Variants in DCAF5 observed in about 807,000 individuals in gnomAD.
DCAF5 encodes DDB1 and CUL4 associated factor 5, also known as DDB1- and CUL4-associated factor 5.
In DCAF5, 9 loss-of-function variants were observed where a neutral mutation model predicts 80.7. The observed-to-expected ratio is 0.11, with a 90% CI of 0.07 to 0.19. The LOEUF (loss-of-function observed/expected upper bound fraction) is 0.19. Among genes scored for constraint, DCAF5 ranks in the 10% least tolerant of loss-of-function variants. The probability of loss-of-function intolerance (pLI) is 1.00; values close to 1 mark genes in which losing one functional copy is unlikely to be tolerated. For missense variants in DCAF5, 842 were observed against 1,205.7 expected, an observed-to-expected ratio of 0.70 and a Z score of 4.47; for synonymous variants, 433 against 461.9, an observed-to-expected ratio of 0.94 and a Z score of 0.80.
At chr14:69,131,912 C>T (rs939414309) in intron 1 of DCAF5, among the ~76,000 whole-genome samples, 3 of 152,134 alleles carry the variant, frequency 2.0e-5, no homozygotes, top group African/African-American at 7.2e-5. Flanking sequence ...TCCCCCTAGA[C>T]ACCATTCACT....
At chr14:69,108,399 G>A (rs373490493) in intron 5 of DCAF5, among the ~76,000 whole-genome samples, 114 of 152,142 alleles carry the variant, frequency 7.5e-4, no homozygotes, top group Non-Finnish European at 1.5e-3. Context: ...ATGTGTTTTG[G>A]GGGGTGGTGC....
chr14:69,119,944 T>C (rs2040663946), intron 2 of DCAF5, among the ~76,000 whole-genome samples: 1 of 152,200 alleles, frequency 6.6e-6, no homozygotes, highest in Admixed American at 6.6e-5. Context: ...AGTACATCTG[T>C]AAAAGCATTC....
At chr14:69,102,552 TTTTTTAC>T (rs1217306556) in intron 5 of DCAF5, among the ~76,000 whole-genome samples, 1 of 150,576 alleles carries the variant, frequency 6.6e-6, no homozygotes, top group East Asian at 2.0e-4. Context: ...CTTTTTTTTT[TTTTTTAC>T]TTTTTAAACT....
At chr14:69,061,155 C>G (rs76828648) in intron 8 of DCAF5, among the ~76,000 whole-genome samples, 1 of 151,972 alleles carries the variant, frequency 6.6e-6, no homozygotes, top group African/African-American at 2.4e-5. Context: ...CAGGTATACA[C>G]TAATTTTTAA....
rs2040912321 is a variant in DCAF5 at position 69,127,471 on chromosome 14, T to TGCCA, written c.215-5115_215-5112dup. On this transcript the variant is annotated intron_variant, in intron 1 of 8. Coordinates refer to ENST00000341516, the MANE Select transcript of DCAF5 (RefSeq NM_003861.3). ...TGGAGACAACAAAAAGATCACTAAT[T>TGCCA]GCCAGGGTTTGGAGGCAGGGGTTGA... Among the ~76,000 whole-genome samples the TGCCA allele has an allele frequency of 2.0e-5, 3 of 152,302 alleles. No homozygotes were observed. The South Asian group carries it at 6.2e-4, about 32-fold the overall frequency.
intron 8 of DCAF5, among the ~76,000 whole-genome samples, chr14:69,056,983 G>A (rs2037999786): frequency 6.6e-6 from 1 of 152,164 alleles, no homozygotes; most frequent in African/African-American, 2.4e-5. Flanking sequence ...ACCCTAGAGA[G>A]TTTCAAGGGA....
At chr14:69,107,509 T>C (rs1595011044) in intron 5 of DCAF5, among the ~76,000 whole-genome samples, 1 of 152,176 alleles carries the variant, frequency 6.6e-6, no homozygotes, top group African/African-American at 2.4e-5. Flanking sequence ...GTGATTCTGA[T>C]GCCCCTTAAA....
intron 1 of DCAF5, among the ~76,000 whole-genome samples, chr14:69,136,819 ATG>A (rs1282178247): frequency 3.3e-5 from 5 of 152,186 alleles, no homozygotes; most frequent in Admixed American, 6.5e-5. Flanking sequence ...CCAGCCCAAA[ATG>A]TCGGTAATGT....
At position 69,051,229 on chromosome 14, in the gene DCAF5, CA is replaced by C. The variant is rs1250417411; in HGVS notation, c.*2627del. On this transcript the variant is annotated 3_prime_UTR_variant, in exon 9 of 9. Transcript: ENST00000341516. Reference sequence around the variant, plus strand: ...AGGAAAAAAACATAAGAGGCACTTCCAAATAGTTCTTGATCTAATCAGTGCC... The same window carrying C: ...AGGAAAAAAACATAAGAGGCACTTCCAATAGTTCTTGATCTAATCAGTGCC... The C allele has an allele frequency of 3.7e-4, 56 of 152,746 alleles. No homozygotes were observed. Among genetic ancestry groups the C allele is most frequent in the African/African-American group, 1.3e-3 (54 of 41,574 alleles). The allele number at this position is 152,746 out of a possible 1,614,324, so 9.5% of individuals were successfully genotyped here.
intron 5 of DCAF5, among the ~76,000 whole-genome samples, chr14:69,105,763 A>T (rs948823135): frequency 2.0e-5 from 3 of 150,986 alleles, no homozygotes; most frequent in Non-Finnish European, 4.4e-5. Flanking sequence ...GGCCTTTGGC[A>T]TCAGACTGAA....
At chr14:69,063,165 C>A (rs1339771521) in intron 7 of DCAF5, among the ~76,000 whole-genome samples, 1 of 152,058 alleles carries the variant, frequency 6.6e-6, no homozygotes, top group African/African-American at 2.4e-5. Context: ...GAGAGTGGGC[C>A]TTAAAGATAC....
rs367911106 is a variant in DCAF5, at chr14:69,149,527, A to C, written c.214+3238T>G. The C allele has an allele frequency of 4.6e-5, 7 of 152,328 alleles. No individual in the cohort carries two copies. The East Asian group carries it at 1.4e-3, about 29-fold the overall frequency. The allele number at this position is 152,328 out of a possible 1,614,324, so 9.4% of individuals were successfully genotyped here. A position where few individuals can be genotyped will look rare whatever the true frequency, so the allele number is the denominator to read the frequency against. On this transcript the variant is annotated intron_variant, in intron 1 of 8. Transcript: ENST00000341516. ...AGCTGTTGGAACAGAAAAGTGATGT[A>C]TTATTAACTAATAGTACTTTACCCA...
At position 69,053,693 on chromosome 14, in the gene DCAF5, C is replaced by T. The variant is rs140850060; in HGVS notation, c.*164G>A. 3.7e-5 allele frequency: 24 copies of T among 643,616 alleles called. No individual in the cohort carries two copies. The highest frequency in any genetic ancestry group is 3.7e-4 in the African/African-American group (20 of 53,812). 39.9% of individuals were successfully genotyped at this position (643,616 alleles called of 1,614,324 possible). Reference sequence around the variant, plus strand: ...CAATGGCCAGCTAGACATTCAGACCCGTTGTTGAATGTTGGATAGAAGGGA... The same window carrying T: ...CAATGGCCAGCTAGACATTCAGACCTGTTGTTGAATGTTGGATAGAAGGGA... On this transcript the variant is annotated 3_prime_UTR_variant, in exon 9 of 9. Coordinates refer to ENST00000341516, the MANE Select transcript of DCAF5 (RefSeq NM_003861.3).
chr14:69,117,282 G>A (rs775434092), intron 4 of DCAF5, among the ~76,000 whole-genome samples: 1 of 152,144 alleles, frequency 6.6e-6, no homozygotes, highest in Non-Finnish European at 1.5e-5. Flanking sequence ...ACAGTGACTC[G>A]ACCACAGCTG....
chr14:69,133,035 T>G (rs1339790735), intron 1 of DCAF5, among the ~76,000 whole-genome samples: 1 of 151,848 alleles, frequency 6.6e-6, no homozygotes, highest in African/African-American at 2.4e-5. Context: ...TGTCAGCTAA[T>G]TATTATGCTA....
At position 69,101,706 on chromosome 14, in the gene DCAF5, A is replaced by T. The variant is rs1386915287; in HGVS notation, c.666-9819T>A. 1.2e-4 allele frequency among the ~76,000 whole-genome samples: 19 copies of T among 152,310 alleles called. No homozygotes were observed. The East Asian group carries it at 3.7e-3, about 29-fold the overall frequency. ...ATAGAGAGTATTCACACAAACCTAG[A>T]AGGTATAGCCTACTACACACCCCAG... On this transcript the variant is annotated intron_variant, in intron 5 of 8. Transcript: ENST00000341516.
chr14:69,117,414 G>A (rs983084810), intron 4 of DCAF5, among the ~76,000 whole-genome samples: 12 of 152,180 alleles, frequency 7.9e-5, no homozygotes, highest in African/African-American at 2.9e-4. Context: ...AAAAGACCCA[G>A]ATCCTGCCAG....
Position 69,054,407 on chromosome 14 carries a change from C to T in DCAF5, c.2279G>A (p.Gly760Asp), listed in dbSNP as rs1349037637. ...GCTATTGCCAGTGTCCTGAGAGGTACCCTCTGGCACCTCTGCCCAAGCATG... is the reference window on the plus strand; with the variant it reads ...GCTATTGCCAGTGTCCTGAGAGGTATCCTCTGGCACCTCTGCCCAAGCATG... ...SSHAWAEVPE[G>D]TSQDTGNSGS... The change falls in exon 9 of 9, where the codon GGT becomes GAT. Residue 760 changes from glycine to aspartate, a missense_variant. By Grantham distance (94) the Gly-to-Asp change is moderately conservative. This residue lies in a region of DCAF5 where 607 missense variants were observed against 656.6 expected (regional missense o/e 0.92). Coordinates refer to ENST00000341516, the MANE Select transcript of DCAF5 (RefSeq NM_003861.3). The T allele has an allele frequency of 6.2e-7, 1 of 1,613,942 alleles. No homozygotes were observed. The highest frequency in any genetic ancestry group is 8.5e-7 in the Non-Finnish European group (1 of 1,180,052).
Position 69,106,217 on chromosome 14 carries a change from C to T in DCAF5, c.665+10149G>A, listed in dbSNP as rs193211574. 8.6e-5 allele frequency among the ~76,000 whole-genome samples: 13 copies of T among 151,244 alleles called. No homozygotes were observed. In the East Asian group the frequency reaches 1.8e-3, roughly 21 times the overall value. ...AATTACAGGGGCCCACCACTACGCC[C>T]GGCTAATTTTGTATTTTTAATAGAG... is the stretch of plus-strand genomic sequence containing the variant. On this transcript the variant is annotated intron_variant, in intron 5 of 8. Transcript: ENST00000341516.
Sources: gnomAD v4.1 joint callset for allele counts (sites outside exome capture counted in the v4.1 genomes callset) on GRCh38, gnomAD v4.1.1 for gene constraint, gnomAD v4.1.1 regional missense constraint, MANE v1.5 for transcripts, NCBI Gene and HGNC (gene_info 2026-07-23, HGNC 2026-07-21) for gene names.